The following GLRA3 variants were observed in gnomAD, a reference collection of about 807,000 sequenced individuals.
GLRA3 encodes glycine receptor subunit alpha-3.
A neutral mutation model predicts 60.4 loss-of-function variants in GLRA3; 44 were observed. That is an observed-to-expected ratio of 0.73 (90% CI 0.57 to 0.94). The LOEUF (loss-of-function observed/expected upper bound fraction) is 0.94, where lower values mean the gene tolerates loss of function less well. Ranked by LOEUF, GLRA3 falls within the 40% of genes least tolerant of loss-of-function variation. The pLI is 0.00. For synonymous variants in GLRA3, 223 were observed against 192.9 expected, an observed-to-expected ratio of 1.16 and a Z score of -1.29; for missense variants, 508 against 564.6, an observed-to-expected ratio of 0.90 and a Z score of 1.02.
intron 5 of GLRA3, among the ~76,000 whole-genome samples, chr4:174,697,259 A>G (rs1388489769): frequency 6.6e-6 from 1 of 152,224 alleles, no homozygotes; most frequent in Admixed American, 6.5e-5. Flanking sequence ...TATTTGGTCC[A>G]GCTATCTCAA....
chr4:174,698,621 T>G (rs1735163352), intron 5 of GLRA3, among the ~76,000 whole-genome samples: 1 of 152,216 alleles, frequency 6.6e-6, no homozygotes, highest in African/African-American at 2.4e-5. Context: ...CCACTTCAAA[T>G]TCATATTGCT....
chr4:174,798,911 ACT>A (rs1739692109), intron 1 of GLRA3, among the ~76,000 whole-genome samples: 1 of 151,202 alleles, frequency 6.6e-6, no homozygotes, highest in Non-Finnish European at 1.5e-5. Flanking sequence ...ACAGAGGGAG[ACT>A]CTGCCTGAAA....
At chr4:174,828,664 C>T in intron 1 of GLRA3, 77 bp downstream of exon 1, 2 of 855,878 alleles carry the variant, frequency 2.3e-6, no homozygotes, top group South Asian at 1.4e-5. Flanking sequence ...ATTTCCCGGT[C>T]TCATCAATAA....
intron 3 of GLRA3, among the ~76,000 whole-genome samples, chr4:174,742,181 T>C (rs1737055259): frequency 6.6e-6 from 1 of 152,146 alleles, no homozygotes; most frequent in Admixed American, 6.5e-5. Context: ...CAAGCTAAAA[T>C]TGAATCTGTA....
At chr4:174,792,452 C>A (rs1739390568) in intron 1 of GLRA3, among the ~76,000 whole-genome samples, 1 of 152,046 alleles carries the variant, frequency 6.6e-6, no homozygotes, top group Non-Finnish European at 1.5e-5. Flanking sequence ...GGTAAGGTAA[C>A]AGACCTTACC....
intron 7 of GLRA3, among the ~76,000 whole-genome samples, chr4:174,671,813 CTAAT>C (rs1285162637): frequency 3.9e-5 from 6 of 152,006 alleles, no homozygotes; most frequent in Admixed American, 6.6e-5. Flanking sequence ...CCACGCCCAG[CTAAT>C]TTTTGTATTT....
chr4:174,804,112 ATT>A (rs1299958761), intron 1 of GLRA3, among the ~76,000 whole-genome samples: 2 of 152,178 alleles, frequency 1.3e-5, no homozygotes, highest in African/African-American at 4.8e-5. Flanking sequence ...ATTTTGAATA[ATT>A]CAAAAGAAAT....
chr4:174,670,033 C>T (rs958575663), intron 7 of GLRA3, among the ~76,000 whole-genome samples: 2 of 152,174 alleles, frequency 1.3e-5, no homozygotes, highest in Admixed American at 6.5e-5. Context: ...ATCTCTGACT[C>T]CCACTTCAGT....
chr4:174,768,670 C>G (rs1185076469), intron 2 of GLRA3, among the ~76,000 whole-genome samples: 1 of 152,076 alleles, frequency 6.6e-6, no homozygotes, highest in African/African-American at 2.4e-5. Context: ...CATAGTAACT[C>G]TGAAAGAGGG....
chr4:174,802,485 C>A (rs1231780958), intron 1 of GLRA3, among the ~76,000 whole-genome samples: 1 of 152,032 alleles, frequency 6.6e-6, no homozygotes, highest in Admixed American at 6.6e-5. Context: ...CTCTTCTTTA[C>A]CCCTCCCTAA....
At chr4:174,752,895 A>G (rs1737543707) in intron 3 of GLRA3, among the ~76,000 whole-genome samples, 1 of 152,102 alleles carries the variant, frequency 6.6e-6, no homozygotes, top group Admixed American at 6.6e-5. Flanking sequence ...CCAAGAAACT[A>G]CTAAAATTTT....
At chr4:174,729,938 T>C (rs1218254892) in intron 3 of GLRA3, among the ~76,000 whole-genome samples, 2 of 152,210 alleles carry the variant, frequency 1.3e-5, no homozygotes, top group Non-Finnish European at 2.9e-5. Flanking sequence ...CTTATGTTAT[T>C]GGTAGGTCAA....
At chr4:174,712,315 T>C (rs1054409671) in intron 5 of GLRA3, among the ~76,000 whole-genome samples, 2 of 152,150 alleles carry the variant, frequency 1.3e-5, no homozygotes, top group African/African-American at 4.8e-5. Context: ...CATCTTTAAT[T>C]GAATTATTAT....
In GLRA3 at chr4:174,693,551, G is replaced by T. The variant is rs186454880; in HGVS notation, c.575-10612C>A. Among the ~76,000 whole-genome samples the T allele has an allele frequency of 4.9e-4, 74 of 152,152 alleles. 2 individuals carry two copies. In the East Asian group the frequency reaches 0.013, roughly 26 times the overall value. ...TTTGTACCAGTACCCTGCTCTTTTGGTTACTCTAGCCTTGTAGTATAGTTT... is the reference window on the plus strand; with the variant it reads ...TTTGTACCAGTACCCTGCTCTTTTGTTTACTCTAGCCTTGTAGTATAGTTT... On this transcript the variant is annotated intron_variant, in intron 5 of 9. Coordinates refer to ENST00000274093, the MANE Select transcript of GLRA3 (RefSeq NM_006529.4).
At chr4:174,659,743 G>C (rs746995098) in intron 7 of GLRA3, among the ~76,000 whole-genome samples, 2 of 151,996 alleles carry the variant, frequency 1.3e-5, no homozygotes, top group South Asian at 4.1e-4. Context: ...ATGCCAAGGC[G>C]GGTGGATCAC....
intron 5 of GLRA3, among the ~76,000 whole-genome samples, chr4:174,706,179 G>C (rs1579479545): frequency 6.6e-6 from 1 of 151,720 alleles, no homozygotes; most frequent in African/African-American, 2.4e-5. Flanking sequence ...GCAGTGAGCC[G>C]AGTTCACGCC....
chr4:174,728,773 G>GAT, intron 3 of GLRA3, 75 bp from the exon 4 acceptor site: 1 of 905,384 alleles, frequency 1.1e-6, no homozygotes, highest in Non-Finnish European at 1.7e-6. Flanking sequence ...TGTCAGTGTG[G>GAT]TGCCAAGGCA....
At chr4:174,821,864 T>A (rs1329254934) in intron 1 of GLRA3, among the ~76,000 whole-genome samples, 1 of 152,198 alleles carries the variant, frequency 6.6e-6, no homozygotes, top group Non-Finnish European at 1.5e-5. Context: ...TATGATCTCT[T>A]GAACACAATA....
At chr4:174,798,859 T>C (rs1739687727) in intron 1 of GLRA3, among the ~76,000 whole-genome samples, 1 of 151,858 alleles carries the variant, frequency 6.6e-6, no homozygotes, top group Admixed American at 6.6e-5. Context: ...AGGCGGAGCT[T>C]GCAGTGAGCC....
Sources: allele counts gnomAD v4.1 joint callset (sites outside exome capture counted in the v4.1 genomes callset), GRCh38; gene constraint gnomAD v4.1.1; transcripts MANE v1.5; gene names NCBI Gene and HGNC (gene_info 2026-07-23, HGNC 2026-07-21).